Variants in TMEM232 observed in about 807,000 individuals in gnomAD.
The protein encoded by TMEM232 is transmembrane protein 232.
TMEM232 carries 80 observed loss-of-function variants against 78.8 expected under a neutral mutation model. That is an observed-to-expected ratio of 1.01 (90% CI 0.85 to 1.22). The LOEUF (loss-of-function observed/expected upper bound fraction) is 1.22, where lower values mean the gene tolerates loss of function less well. Ranked by LOEUF, TMEM232 falls within the 50% of genes most tolerant of loss-of-function variation. TMEM232 has a pLI of 0.00. For synonymous variants in TMEM232, 297 were observed against 254.3 expected, an observed-to-expected ratio of 1.17 and a Z score of -1.60; for missense variants, 881 against 742.2, an observed-to-expected ratio of 1.19 and a Z score of -2.17.
chr5:110,635,468 T>C (rs1785674610), intron 5 of TMEM232, among the ~76,000 whole-genome samples: 1 of 151,886 alleles, frequency 6.6e-6, no homozygotes, highest in South Asian at 2.1e-4. Context: ...CAACAGCACA[T>C]CAAAAAGATA....
chr5:110,456,544 T>C (rs73784756), intron 12 of TMEM232, among the ~76,000 whole-genome samples: 4,946 of 152,184 alleles, frequency 0.033, 99 homozygotes, highest in African/African-American at 0.059. Context: ...ATAAACTGAT[T>C]ATAGAACTTG....
chr5:110,625,086 A>G (rs149692148), intron 7 of TMEM232, among the ~76,000 whole-genome samples, 181 bp downstream of exon 7: 62 of 151,896 alleles, frequency 4.1e-4, no homozygotes, highest in African/African-American at 1.4e-3. Flanking sequence ...CCTATTAACT[A>G]CTCTCCAGGA....
chr5:110,613,049 G>A (rs1270864818), intron 8 of TMEM232, among the ~76,000 whole-genome samples: 1 of 152,142 alleles, frequency 6.6e-6, no homozygotes, highest in African/African-American at 2.4e-5. Context: ...TGGCAGCTGG[G>A]AGGGGACTCC....
At chr5:110,403,563 A>G (rs1052572498) in intron 2 of TMEM232, among the ~76,000 whole-genome samples, 2 of 152,096 alleles carry the variant, frequency 1.3e-5, no homozygotes, top group African/African-American at 4.8e-5. Flanking sequence ...AGATATCTAA[A>G]GCTTGTGATG....
intron 2 of TMEM232, among the ~76,000 whole-genome samples, chr5:110,403,258 A>C (rs56212541): frequency 0.036 from 5,487 of 152,150 alleles, 352 homozygotes; most frequent in African/African-American, 0.13. Context: ...CTAAACTACT[A>C]TAGGGCAAAG....
chr5:110,647,131 A>G (rs1047282848), intron 2 of TMEM232, among the ~76,000 whole-genome samples: 1 of 151,920 alleles, frequency 6.6e-6, no homozygotes, highest in Admixed American at 6.6e-5. Context: ...GTGTGCAAGC[A>G]TTGTATGTGT....
intron 11 of TMEM232, among the ~76,000 whole-genome samples, chr5:110,567,642 G>C (rs1266181902): frequency 6.6e-6 from 1 of 151,886 alleles, no homozygotes; most frequent in Non-Finnish European, 1.5e-5. Flanking sequence ...TGAGAGGAGA[G>C]GGAAGAGTCT....
intron 10 of TMEM232, among the ~76,000 whole-genome samples, chr5:110,599,774 C>A (rs557317171): frequency 6.6e-6 from 1 of 152,218 alleles, no homozygotes; most frequent in Admixed American, 6.5e-5. Flanking sequence ...AGGAAATTAA[C>A]AAGGATATTC....
chr5:110,568,395 C>T lies in TMEM232; in HGVS notation c.1455+52G>A, dbSNP rs191195645. The stretch of plus-strand genomic sequence containing the variant: ...TTTTACCATGGAGAGAAATGACAAC[C>T]GTGCTTCCTAATGATAGATGTACAT... On this transcript the variant is annotated intron_variant, in intron 11 of 13. Transcript: ENST00000455884. The T allele has an allele frequency of 2.5e-4, 353 of 1,434,482 alleles. No homozygotes were observed. In the African/African-American group the frequency reaches 4.4e-3, roughly 18 times the overall value. 88.9% of individuals were successfully genotyped at this position (1,434,482 alleles called of 1,614,324 possible).
chr5:110,445,016 A>G (rs1759490460), intron 12 of TMEM232, among the ~76,000 whole-genome samples: 1 of 151,868 alleles, frequency 6.6e-6, no homozygotes, highest in Admixed American at 6.6e-5. Context: ...AATGTCTAGG[A>G]ACTCTTTCTT....
chr5:110,574,337 G>C (rs1777323620), intron 10 of TMEM232, among the ~76,000 whole-genome samples: 1 of 152,092 alleles, frequency 6.6e-6, no homozygotes, highest in Non-Finnish European at 1.5e-5. Context: ...AAGTAATCTA[G>C]AAGCAAAGTG....
At chr5:110,583,292 T>A (rs993294624) in intron 10 of TMEM232, among the ~76,000 whole-genome samples, 1 of 151,894 alleles carries the variant, frequency 6.6e-6, no homozygotes, top group Non-Finnish European at 1.5e-5. Flanking sequence ...GCCTAAAGAC[T>A]GATATATAGA....
chr5:110,482,682 G>A (rs1764010513), intron 12 of TMEM232, among the ~76,000 whole-genome samples: 1 of 151,330 alleles, frequency 6.6e-6, no homozygotes, highest in African/African-American at 2.4e-5. Flanking sequence ...AAGTTTAGAA[G>A]TAGATTTCTG....
At chr5:110,706,310 G>A (rs1795925123) in intron 1 of TMEM232, among the ~76,000 whole-genome samples, 1 of 152,150 alleles carries the variant, frequency 6.6e-6, no homozygotes, top group African/African-American at 2.4e-5. Context: ...GGTGATGTAT[G>A]TTCCAACTAT....
chr5:110,506,337 TTAAAA>T (rs1766898193), intron 12 of TMEM232, among the ~76,000 whole-genome samples: 1 of 152,204 alleles, frequency 6.6e-6, no homozygotes, highest in South Asian at 2.1e-4. Context: ...TCTAGTATTT[TTAAAA>T]TCTACTTGAG....
chr5:110,716,769 C>A (rs1207930188), intron 1 of TMEM232, among the ~76,000 whole-genome samples: 1 of 152,102 alleles, frequency 6.6e-6, no homozygotes, highest in Admixed American at 6.6e-5. Context: ...GCCAACTAAA[C>A]CTTAGTCCTA....
At chr5:110,561,261 C>T (rs1442956624) in intron 11 of TMEM232, among the ~76,000 whole-genome samples, 1 of 152,046 alleles carries the variant, frequency 6.6e-6, no homozygotes, top group Non-Finnish European at 1.5e-5. Flanking sequence ...AATTCAAGCA[C>T]TGCAGATAGC....
At chr5:110,681,973 C>T (rs191854498) in intron 1 of TMEM232, among the ~76,000 whole-genome samples, 71 of 152,146 alleles carry the variant, frequency 4.7e-4, no homozygotes, top group Non-Finnish European at 8.2e-4. Context: ...AACCCCAGAC[C>T]ATTTTACAAC....
chr5:110,530,584 A>C (rs183233023), intron 11 of TMEM232, among the ~76,000 whole-genome samples: 6 of 152,342 alleles, frequency 3.9e-5, no homozygotes, highest in Non-Finnish European at 7.3e-5. Context: ...AACAACATGG[A>C]TGAACCTGGG....
Sources: gnomAD v4.1 joint callset for allele counts (sites outside exome capture counted in the v4.1 genomes callset) on GRCh38, gnomAD v4.1.1 for gene constraint, MANE v1.5 for transcripts, NCBI Gene and HGNC (gene_info 2026-07-23, HGNC 2026-07-21) for gene names.